The following TRIM24 variants were observed in gnomAD, a reference collection of about 807,000 sequenced individuals.
TRIM24 encodes transcription intermediary factor 1-alpha.
A neutral mutation model predicts 123.9 loss-of-function variants in TRIM24; 29 were observed. That is an observed-to-expected ratio of 0.23 (90% confidence interval 0.17 to 0.32). The LOEUF (loss-of-function observed/expected upper bound fraction) is 0.32. TRIM24 is among the 10% of genes least tolerant of loss of function. The pLI is 1.00. For synonymous variants in TRIM24, 456 were observed against 461.1 expected, an observed-to-expected ratio of 0.99 and a Z score of 0.14; for missense variants, 932 against 1,295.3, an observed-to-expected ratio of 0.72 and a Z score of 4.31.
Position 138,460,574 on chromosome 7 carries a change from T to TGGC in TRIM24, c.36_38dup (p.Ala15dup). The TGGC allele has an allele frequency of 1.5e-6, 2 of 1,314,010 alleles. No homozygotes were observed. The highest frequency in any genetic ancestry group is 1.9e-6 in the Non-Finnish European group (2 of 1,042,098). 81.4% of individuals were successfully genotyped at this position (1,314,010 alleles called of 1,614,324 possible). ...ATGGAGGTGGCGGTGGAGAAGGCGG[T>TGGC]GGCGGCGGCGGCAGCGGCCTCGGCT... is the stretch of plus-strand genomic sequence containing the variant. On this transcript the variant is annotated inframe_insertion, in exon 1 of 19. Transcript: ENST00000343526.
At chr7:138,464,878 A>C (rs1464996702) in intron 1 of TRIM24, among the ~76,000 whole-genome samples, 1 of 152,212 alleles carries the variant, frequency 6.6e-6, no homozygotes, top group African/African-American at 2.4e-5. Context: ...GTAGTTGCAG[A>C]ATGCTAGGGT....
At chr7:138,508,808 C>G (rs1796223768) in intron 2 of TRIM24, among the ~76,000 whole-genome samples, 1 of 151,678 alleles carries the variant, frequency 6.6e-6, no homozygotes, top group Non-Finnish European at 1.5e-5. Flanking sequence ...TGTTCTAGAC[C>G]TTGAAGCAGC....
intron 1 of TRIM24, among the ~76,000 whole-genome samples, chr7:138,464,729 A>G (rs1349818956): frequency 1.3e-5 from 2 of 152,166 alleles, no homozygotes; most frequent in Admixed American, 6.6e-5. Flanking sequence ...TTGAGGCCAA[A>G]TATGTTATAT....
chr7:138,543,990 A>T (rs1481694084), intron 7 of TRIM24, among the ~76,000 whole-genome samples: 3 of 152,092 alleles, frequency 2.0e-5, no homozygotes, highest in Non-Finnish European at 4.4e-5. Context: ...GCATGCCACC[A>T]TAGTCCAGAT....
intron 6 of TRIM24, among the ~76,000 whole-genome samples, chr7:138,537,387 T>TTG (rs1796909532): frequency 4.0e-5 from 5 of 125,468 alleles, no homozygotes; most frequent in African/African-American, 6.2e-5. Context: ...TTGTTTTTTT[T>TTG]TTTTTTTTTT....
intron 1 of TRIM24, among the ~76,000 whole-genome samples, chr7:138,491,696 G>A (rs1795786195): frequency 6.6e-6 from 1 of 152,180 alleles, no homozygotes; most frequent in South Asian, 2.1e-4. Flanking sequence ...TGGGTGTATA[G>A]GAGTAGAATG....
rs954058451 is a variant in TRIM24, at chr7:138,460,891, T to G, written c.343T>G (p.Ser115Ala). The change falls in exon 1 of 19, where the codon TCG becomes GCG. Residue 115 changes from serine (S) to alanine (A), a missense_variant. By Grantham distance (99) the Ser-to-Ala change is moderately conservative. This residue lies in a region of TRIM24 where 164 missense variants were observed against 181.9 expected (regional missense o/e 0.90). Coordinates refer to ENST00000343526, the MANE Select transcript of TRIM24 (RefSeq NM_015905.3). ...TGCCCCCGGCTCGCCGGTCAGCGGCTCGTCGCCGTTCGCCACCCAAGGTGA... is the reference window on the plus strand; with the variant it reads ...TGCCCCCGGCTCGCCGGTCAGCGGCGCGTCGCCGTTCGCCACCCAAGGTGA... ...VPAPGSPVSG[S>A]SPFATQVGVI... is the part of the protein sequence containing the mutation. 6.6e-7 allele frequency: 1 copy of G among 1,512,114 alleles called. No homozygotes were observed. The highest frequency in any genetic ancestry group is 8.8e-7 in the Non-Finnish European group (1 of 1,139,032). The allele number at this position is 1,512,114 out of a possible 1,614,324, so 93.7% of individuals were successfully genotyped here.
intron 7 of TRIM24, chr7:138,545,566 A>T (rs1217546931): frequency 2.2e-6 from 1 of 455,696 alleles, no homozygotes; most frequent in Non-Finnish European, 4.4e-6. Context: ...TTTTATTTTT[A>T]TTCTTGGACT....
chr7:138,537,849 G>A (rs187491619), intron 6 of TRIM24, among the ~76,000 whole-genome samples: 1 of 152,180 alleles, frequency 6.6e-6, no homozygotes, highest in Non-Finnish European at 1.5e-5. Flanking sequence ...AGTCCATGTT[G>A]TAGTATAGCA....
intron 10 of TRIM24, among the ~76,000 whole-genome samples, chr7:138,569,156 C>A (rs550943395): frequency 6.6e-6 from 1 of 152,274 alleles, no homozygotes; most frequent in South Asian, 2.1e-4. Context: ...CTATAAAATG[C>A]GTATCTTGCA....
At chr7:138,502,568 T>C (rs1270287391) in intron 1 of TRIM24, among the ~76,000 whole-genome samples, 1 of 152,222 alleles carries the variant, frequency 6.6e-6, no homozygotes, top group Non-Finnish European at 1.5e-5. Context: ...TGACATGTCA[T>C]TAGTGGTTAT....
At chr7:138,497,826 G>A (rs909967603) in intron 1 of TRIM24, among the ~76,000 whole-genome samples, 1 of 147,908 alleles carries the variant, frequency 6.8e-6, no homozygotes, top group Admixed American at 6.8e-5. Flanking sequence ...AAGTAGCTGG[G>A]ACTACAGGCA....
At chr7:138,503,782 T>G (rs1203036932) in intron 1 of TRIM24, among the ~76,000 whole-genome samples, 1 of 152,254 alleles carries the variant, frequency 6.6e-6, no homozygotes, top group African/African-American at 2.4e-5. Context: ...TTTATTGTTT[T>G]TACCAAGCAC....
chr7:138,573,589 C>T lies in TRIM24; in HGVS notation c.1961C>T (p.Ser654Leu). 6.2e-7 allele frequency: 1 copy of T among 1,614,090 alleles called. No homozygotes were observed. The highest frequency in any genetic ancestry group is 8.5e-7 in the Non-Finnish European group (1 of 1,179,974). Reference sequence around the variant, plus strand: ...GATCATGGCCAGCCAAGACCACCCTCAAACAGAACGGTCCAGTCACCAAAT... The same window carrying T: ...GATCATGGCCAGCCAAGACCACCCTTAAACAGAACGGTCCAGTCACCAAAT... ...NIDHGQPRPP[S>L]NRTVQSPNSS... Residue 654 changes from serine to leucine, a missense_variant, in exon 12 of 19, where the codon TCA becomes TTA. Transcript: ENST00000343526.
rs1163962224 is a variant in TRIM24 at position 138,588,059 on chromosome 7, A to G, written c.*3108A>G. The G allele has an allele frequency of 2.0e-5, 3 of 152,226 alleles. No individual in the cohort carries two copies. The highest frequency in any genetic ancestry group is 4.4e-5 in the Non-Finnish European group (3 of 68,042). The allele number at this position is 152,226 out of a possible 1,614,324, so 9.4% of individuals were successfully genotyped here. A position where few individuals can be genotyped will look rare whatever the true frequency, so the allele number is the denominator to read the frequency against. ...GGCTTTACTACTGCTATATTTTACT[A>G]CCACATAGTAGTGTAGATGTAGTAT... On this transcript the variant is annotated 3_prime_UTR_variant, in exon 19 of 19. Transcript: ENST00000343526.
intron 1 of TRIM24, among the ~76,000 whole-genome samples, chr7:138,489,538 G>A (rs1484006389): frequency 6.6e-6 from 1 of 152,098 alleles, no homozygotes; most frequent in Non-Finnish European, 1.5e-5. Context: ...TGTAAGGCAG[G>A]CCTGGTGGTG....
At chr7:138,559,932 A>G (rs1320432877) in intron 9 of TRIM24, among the ~76,000 whole-genome samples, 1 of 152,126 alleles carries the variant, frequency 6.6e-6, no homozygotes, top group African/African-American at 2.4e-5. Flanking sequence ...TCCTGTACCC[A>G]GCCATGGATT....
chr7:138,480,833 A>G (rs1444751392), intron 1 of TRIM24, among the ~76,000 whole-genome samples: 3 of 152,076 alleles, frequency 2.0e-5, no homozygotes, highest in Non-Finnish European at 4.4e-5. Flanking sequence ...CTGTTAACTT[A>G]TTGGGATCTG....
chr7:138,501,243 AT>A (rs982023226), intron 1 of TRIM24, among the ~76,000 whole-genome samples: 1 of 151,682 alleles, frequency 6.6e-6, no homozygotes, highest in Admixed American at 6.6e-5. Flanking sequence ...TTATTTATTT[AT>A]TTTTTTTGAG....
Sources: allele counts gnomAD v4.1 joint callset (sites outside exome capture counted in the v4.1 genomes callset), GRCh38; gene constraint gnomAD v4.1.1; regional missense constraint gnomAD v4.1.1; transcripts MANE v1.5; gene names NCBI Gene and HGNC (gene_info 2026-07-23, HGNC 2026-07-21).